GYPB: variants seen among roughly 807,000 people sequenced by gnomAD.
GYPB encodes the protein glycophorin-B.
Under a neutral mutation model 15.3 loss-of-function variants are expected in GYPB, and 13 were observed. The ratio of observed to expected loss-of-function variants is 0.85; its 90% confidence interval spans 0.55 to 1.35. The LOEUF is 1.35. Among genes scored for constraint, GYPB ranks in the 40% most tolerant of loss-of-function variants. The pLI, the probability that GYPB is intolerant of heterozygous loss-of-function variation, is 0.00. For synonymous variants in GYPB, 38 were observed against 36.9 expected (o/e 1.03, Z -0.11); for missense variants, 131 against 108.3 (o/e 1.21, Z -0.93).
chr4:144,003,216 C>T (rs1727716816), intron 1 of GYPB, among the ~76,000 whole-genome samples: 1 of 151,306 alleles, frequency 6.6e-6, no homozygotes, highest in Admixed American at 6.6e-5. Context: ...TGAGCTTTGG[C>T]TTATTTCTAG....
Position 144,018,668 on chromosome 4 carries a change from A to G in GYPB, c.37+583T>C, listed in dbSNP as rs564086184. Among the ~76,000 whole-genome samples the G allele has an allele frequency of 2.6e-5, 4 of 151,548 alleles. No homozygotes were observed. The East Asian group carries it at 7.7e-4, about 29-fold the overall frequency. ...ATTTAATAATGACCCTATGATATTT[A>G]TTTTAATGGATTTAAATTTCTCCTA... On this transcript the variant is annotated intron_variant, in intron 1 of 4. Transcript: ENST00000502664.
chr4:143,999,371 A>G (rs1372645366), intron 3 of GYPB, 40 bp downstream of exon 3: 3 of 1,169,454 alleles, frequency 2.6e-6, no homozygotes, highest in Non-Finnish European at 3.8e-6. Flanking sequence ...GGATAGTTTA[A>G]AATGGAATGA....
intron 1 of GYPB, among the ~76,000 whole-genome samples, chr4:144,018,547 A>C (rs1316906880): frequency 1.3e-5 from 2 of 151,346 alleles, no homozygotes; most frequent in African/African-American, 4.9e-5. Context: ...TTTAACTATA[A>C]TATTCTCAGA....
intron 1 of GYPB, among the ~76,000 whole-genome samples, chr4:144,004,887 A>G (rs1727816209): frequency 6.6e-6 from 1 of 151,730 alleles, no homozygotes; most frequent in African/African-American, 2.4e-5. Context: ...ACTTTTTACT[A>G]TAGCTATATA....
Position 144,019,363 on chromosome 4 carries a change from C to T in GYPB, c.-76G>A. The T allele has an allele frequency of 2.5e-6, 4 of 1,610,644 alleles. No homozygotes were observed. Among genetic ancestry groups the T allele is most frequent in the Middle Eastern group, 1.7e-4 (1 of 6,040 alleles). On this transcript the variant is annotated 5_prime_UTR_variant, in exon 1 of 5. Transcript: ENST00000502664. ...ACAACTGCAAGTGTCAGTGTCTGGCCTTAGCCTACTAGCTGTTATCTTCCA... is the reference window on the plus strand; with the variant it reads ...ACAACTGCAAGTGTCAGTGTCTGGCTTTAGCCTACTAGCTGTTATCTTCCA...
intron 1 of GYPB, among the ~76,000 whole-genome samples, chr4:144,004,702 A>T (rs1265831585): frequency 1.3e-5 from 2 of 151,896 alleles, no homozygotes; most frequent in East Asian, 3.8e-4. Context: ...AAATTTCCAC[A>T]ATATGATCCC....
intron 1 of GYPB, among the ~76,000 whole-genome samples, chr4:144,003,777 C>T (rs982858458): frequency 2.6e-5 from 4 of 151,160 alleles, no homozygotes; most frequent in East Asian, 1.9e-4. Flanking sequence ...AATTTTGTAC[C>T]GAAATGAAGG....
Position 144,019,317 on chromosome 4 carries a change from A to G in GYPB, c.-30T>C. The G allele has an allele frequency of 6.2e-7, 1 of 1,611,826 alleles. No homozygotes were observed. The highest frequency in any genetic ancestry group is 8.5e-7 in the Non-Finnish European group (1 of 1,179,424). ...AGATCATGAGCTGGTTCCTGAAGTT[A>G]GTGCAAAAAAACTACCAAAGACAAC... On this transcript the variant is annotated 5_prime_UTR_variant, in exon 1 of 5. Coordinates refer to ENST00000502664, the MANE Select transcript of GYPB (RefSeq NM_002100.6).
At chr4:144,007,527 C>T (rs1727985654) in intron 1 of GYPB, among the ~76,000 whole-genome samples, 1 of 151,462 alleles carries the variant, frequency 6.6e-6, no homozygotes, top group African/African-American at 2.5e-5. Context: ...TGGTCATCCA[C>T]ACTGTCCCAA....
At chr4:144,001,072 C>T in intron 2 of GYPB, 113 bp downstream of exon 2, 3 of 1,555,032 alleles carry the variant, frequency 1.9e-6, no homozygotes, top group Non-Finnish European at 1.8e-6. Context: ...GTCTACTTAG[C>T]TCGCATTTCT....
intron 1 of GYPB, among the ~76,000 whole-genome samples, chr4:144,014,330 G>T (rs1282067916): frequency 1.4e-4 from 22 of 151,770 alleles, no homozygotes; most frequent in Non-Finnish European, 2.2e-4. Context: ...CCAAAAGGTG[G>T]AAACAACACA....
chr4:144,001,113 G>C, intron 2 of GYPB, 72 bp downstream of exon 2: 5 of 1,610,714 alleles, frequency 3.1e-6, no homozygotes, highest in Non-Finnish European at 3.4e-6. Context: ...GCAGTGACAG[G>C]TCCCCTAAAA....
intron 3 of GYPB, among the ~76,000 whole-genome samples, chr4:143,998,756 G>A (rs1313774195): frequency 7.1e-6 from 1 of 141,350 alleles, no homozygotes; most frequent in Admixed American, 7.3e-5. Flanking sequence ...TTACATGAGG[G>A]CAGAGGGAAC....
intron 1 of GYPB, among the ~76,000 whole-genome samples, chr4:144,009,676 C>G (rs1411412795): frequency 1.7e-5 from 2 of 116,090 alleles, no homozygotes; most frequent in African/African-American, 3.5e-5. Context: ...TGCAGTGGCC[C>G]GATCTCCGCT....
intron 4 of GYPB, 21 bp downstream of exon 4, chr4:143,997,519 A>C: frequency 7.0e-7 from 1 of 1,419,152 alleles, no homozygotes; most frequent in Non-Finnish European, 9.9e-7. Context: ...TTTAGAGCAA[A>C]ATTAAAAACT....
Position 144,002,352 on chromosome 4 carries a change from T to G in GYPB, c.38-1069A>C, listed in dbSNP as rs143255255. ...AATATGTGTGAATATGTATATAATG[T>G]TTACAAGTCTGACTTTCTACTTAAT... On this transcript the variant is annotated intron_variant, in intron 1 of 4. Transcript: ENST00000502664. Among the ~76,000 whole-genome samples, 1,308 of 151,552 alleles carry G rather than the reference T, an allele frequency of 8.6e-3. 103 individuals carry two copies. The highest frequency in any genetic ancestry group is 0.031 in the African/African-American group (1,249 of 40,826).
intron 4 of GYPB, 194 bp downstream of exon 4, chr4:143,997,346 G>C (rs115734736): frequency 1.5e-5 from 7 of 479,954 alleles, no homozygotes; most frequent in Admixed American, 1.1e-4. Context: ...ATATTTAGAG[G>C]TTCCCTTTAA....
chr4:144,002,404 A>G (rs1355446115), intron 1 of GYPB, among the ~76,000 whole-genome samples: 1 of 151,570 alleles, frequency 6.6e-6, no homozygotes, highest in East Asian at 1.9e-4. Flanking sequence ...TATGCTGTCA[A>G]ATATTCTTCT....
At chr4:144,005,408 T>C (rs1345590707) in intron 1 of GYPB, among the ~76,000 whole-genome samples, 1 of 151,980 alleles carries the variant, frequency 6.6e-6, no homozygotes, top group Admixed American at 6.5e-5. Context: ...AAAGGACAAC[T>C]AAATTCCTGA....
Sources: allele counts gnomAD v4.1 joint callset (sites outside exome capture counted in the v4.1 genomes callset), GRCh38; gene constraint gnomAD v4.1.1; transcripts MANE v1.5; gene names NCBI Gene and HGNC (gene_info 2026-07-23, HGNC 2026-07-21).